Variants in LAPTM4B observed in about 807,000 individuals in gnomAD.
The protein encoded by LAPTM4B is lysosomal protein transmembrane 4 beta.
Under a neutral mutation model 28.5 loss-of-function variants are expected in LAPTM4B, and 26 were observed. The observed-to-expected ratio is 0.91, with a 90% CI of 0.67 to 1.27. The LOEUF is 1.27. LAPTM4B is among the 50% of genes most tolerant of loss of function. LAPTM4B has a pLI of 0.00. For synonymous variants in LAPTM4B, 109 were observed against 106.4 expected (o/e 1.02, Z -0.15); for missense variants, 288 against 285.8 (o/e 1.01, Z -0.06).
At chr8:97,810,134 C>G (rs1816805675) in intron 2 of LAPTM4B, among the ~76,000 whole-genome samples, 2 of 152,060 alleles carry the variant, frequency 1.3e-5, no homozygotes, top group African/African-American at 2.4e-5. Context: ...GTTGCCCAGG[C>G]TGGTCTCAAA....
chr8:97,775,897 G>A lies in LAPTM4B; in HGVS notation c.-113G>A. ...GGCCCGCGGGCGCACGGGCGAGCGG[G>A]CCGGGAGCCGGAGCGGCGGAGGAGC... On this transcript the variant is annotated 5_prime_UTR_variant, in exon 1 of 7. Coordinates refer to ENST00000521545, the MANE Select transcript of LAPTM4B (RefSeq NM_018407.6). 2 of 1,459,628 alleles carry A rather than the reference G, an allele frequency of 1.4e-6. No individual in the cohort carries two copies. The highest frequency in any genetic ancestry group is 1.8e-6 in the Non-Finnish European group (2 of 1,114,438). The allele number at this position is 1,459,628 out of a possible 1,614,324, so 90.4% of individuals were successfully genotyped here.
intron 2 of LAPTM4B, 69 bp downstream of exon 2, chr8:97,805,533 C>A: frequency 2.4e-6 from 2 of 838,650 alleles, no homozygotes; most frequent in Non-Finnish European, 4.1e-6. Context: ...TATTAAATTA[C>A]AAATATAGAC....
chr8:97,828,985 C>T (rs539807233), intron 6 of LAPTM4B, among the ~76,000 whole-genome samples: 11 of 152,168 alleles, frequency 7.2e-5, no homozygotes, highest in South Asian at 6.2e-4. Flanking sequence ...GGTGCCTGTC[C>T]GGTTAGCAGG....
At chr8:97,778,970 C>T (rs906501478) in intron 1 of LAPTM4B, among the ~76,000 whole-genome samples, 1 of 152,198 alleles carries the variant, frequency 6.6e-6, no homozygotes, top group Non-Finnish European at 1.5e-5. Flanking sequence ...AGCAGGACCA[C>T]TGTAAAACGA....
At chr8:97,844,622 A>C (rs994798630) in intron 6 of LAPTM4B, among the ~76,000 whole-genome samples, 3 of 152,186 alleles carry the variant, frequency 2.0e-5, no homozygotes, top group Non-Finnish European at 2.9e-5. Flanking sequence ...GTCAGCTCCA[A>C]GGCAATGACT....
At chr8:97,788,933 A>G (rs993155772) in intron 1 of LAPTM4B, among the ~76,000 whole-genome samples, 2 of 151,664 alleles carry the variant, frequency 1.3e-5, no homozygotes, top group African/African-American at 4.8e-5. Flanking sequence ...TGACCTCGTG[A>G]TCCGCCCACC....
intron 1 of LAPTM4B, among the ~76,000 whole-genome samples, chr8:97,787,517 C>T (rs1816422778): frequency 1.3e-5 from 2 of 152,134 alleles, no homozygotes; most frequent in Admixed American, 6.5e-5. Flanking sequence ...ATCTCCTGAC[C>T]TCATGATCCA....
intron 5 of LAPTM4B, among the ~76,000 whole-genome samples, chr8:97,822,671 A>G (rs1232416336): frequency 1.3e-5 from 2 of 152,002 alleles, no homozygotes; most frequent in African/African-American, 2.4e-5. Context: ...TACAGACATT[A>G]AAAGATATTT....
At chr8:97,777,146 T>TTTTTTTG (rs1816233414) in intron 1 of LAPTM4B, among the ~76,000 whole-genome samples, 1 of 132,704 alleles carries the variant, frequency 7.5e-6, no homozygotes, top group African/African-American at 2.9e-5. Flanking sequence ...GGTTTTTTTT[T>TTTTTTTG]TTTTTTTTTT....
At chr8:97,779,941 C>A (rs1816283222) in intron 1 of LAPTM4B, among the ~76,000 whole-genome samples, 1 of 150,318 alleles carries the variant, frequency 6.7e-6, no homozygotes, top group South Asian at 2.1e-4. Flanking sequence ...ATCTCAGCTG[C>A]TGGGGAGGCA....
chr8:97,825,319 A>G (rs543612539), intron 6 of LAPTM4B, among the ~76,000 whole-genome samples, 166 bp downstream of exon 6: 7 of 152,364 alleles, frequency 4.6e-5, no homozygotes, highest in African/African-American at 7.2e-5. Context: ...TCATTTAACT[A>G]TGAAGTTAAA....
intron 5 of LAPTM4B, among the ~76,000 whole-genome samples, chr8:97,824,667 C>T (rs1414114721): frequency 1.3e-5 from 2 of 152,108 alleles, no homozygotes; most frequent in Non-Finnish European, 2.9e-5. Context: ...TCCAAAGAAG[C>T]AGTTAAACTG....
chr8:97,807,554 T>C (rs1816773350), intron 2 of LAPTM4B, among the ~76,000 whole-genome samples: 1 of 152,224 alleles, frequency 6.6e-6, no homozygotes, highest in Non-Finnish European at 1.5e-5. Context: ...CTGGAACATG[T>C]GAACCATCTT....
chr8:97,817,479 A>C, intron 4 of LAPTM4B, among the ~76,000 whole-genome samples: 4 of 110,148 alleles, frequency 3.6e-5, no homozygotes, highest in Admixed American at 1.1e-4. Flanking sequence ...ACAGAGTCTC[A>C]CTCTATCACC....
At chr8:97,785,953 C>T (rs113043230) in intron 1 of LAPTM4B, among the ~76,000 whole-genome samples, 2 of 152,144 alleles carry the variant, frequency 1.3e-5, no homozygotes, top group African/African-American at 2.4e-5. Flanking sequence ...TGAGTTTTGT[C>T]GTACAATGTG....
chr8:97,780,204 C>T (rs1443905826), intron 1 of LAPTM4B, among the ~76,000 whole-genome samples: 6 of 151,784 alleles, frequency 4.0e-5, no homozygotes, highest in Non-Finnish European at 5.9e-5. Flanking sequence ...GCGGGTGGAT[C>T]ACCTGAGGTC....
Position 97,851,701 on chromosome 8 carries a change from A to ACGAT in LAPTM4B, c.*227_*228insCGAT. ...TTCTTCCTGTACGATTGGGGATATA[A>ACGAT]TGGGCTTCACTAACCTTCCCTAGGC... On this transcript the variant is annotated 3_prime_UTR_variant, in exon 7 of 7. Coordinates refer to ENST00000521545, the MANE Select transcript of LAPTM4B (RefSeq NM_018407.6). The ACGAT allele has an allele frequency of 1.8e-6, 1 of 570,302 alleles. No individual in the cohort carries two copies. Among genetic ancestry groups the ACGAT allele is most frequent in the Non-Finnish European group, 3.1e-6 (1 of 321,556 alleles). 35.3% of individuals were successfully genotyped at this position (570,302 alleles called of 1,614,324 possible).
intron 6 of LAPTM4B, among the ~76,000 whole-genome samples, chr8:97,826,272 T>C (rs12682341): frequency 0.47 from 70,595 of 151,444 alleles, 16,674 homozygotes; most frequent in East Asian, 0.57. Flanking sequence ...AGTGGTTTAA[T>C]AGACAGCCAT....
intron 2 of LAPTM4B, among the ~76,000 whole-genome samples, chr8:97,806,256 T>C (rs1296126683): frequency 6.6e-6 from 1 of 152,160 alleles, no homozygotes; most frequent in Admixed American, 6.5e-5. Flanking sequence ...TGAACTGATA[T>C]ATGCATTTAA....
Sources: gnomAD v4.1 joint callset for allele counts (sites outside exome capture counted in the v4.1 genomes callset) on GRCh38, gnomAD v4.1.1 for gene constraint, MANE v1.5 for transcripts, NCBI Gene and HGNC (gene_info 2026-07-23, HGNC 2026-07-21) for gene names.